Variants in DPP6 observed in about 807,000 individuals in gnomAD.
DPP6 encodes the protein dipeptidyl peptidase like 6.
Under a neutral mutation model 122.6 loss-of-function variants are expected in DPP6, and 69 were observed. The observed-to-expected ratio is 0.56, with a 90% CI of 0.46 to 0.69. DPP6 has a LOEUF of 0.69. Among genes scored for constraint, DPP6 ranks in the 30% least tolerant of loss-of-function variants. The pLI is 0.00. For missense variants in DPP6, 928 were observed against 1,116.9 expected, an observed-to-expected ratio of 0.83 and a Z score of 2.41; for synonymous variants, 418 against 433.1, an observed-to-expected ratio of 0.97 and a Z score of 0.43.
chr7:154,228,825 G>A (rs75920985), intron 1 of DPP6, among the ~76,000 whole-genome samples: 14,568 of 152,148 alleles, frequency 0.096, 981 homozygotes, highest in African/African-American at 0.18. Context: ...CTAAAGAACT[G>A]AGGGTCCCTG....
At chr7:153,753,063 C>G in the DPP6 span, among the ~76,000 whole-genome samples, 2 of 152,004 alleles carry the variant, frequency 1.3e-5, no homozygotes, top group Non-Finnish European at 2.9e-5. Flanking sequence ...ATTTGAGACC[C>G]CATTTTATCT....
chr7:153,970,661 T>C (rs1248264718), intron 1 of DPP6, among the ~76,000 whole-genome samples: 4 of 152,208 alleles, frequency 2.6e-5, no homozygotes, highest in Non-Finnish European at 5.9e-5. Flanking sequence ...TCATGTTAAA[T>C]TTTGTAGATG....
intron 7 of DPP6, among the ~76,000 whole-genome samples, chr7:154,673,717 T>C (rs985963291): frequency 6.6e-6 from 1 of 152,212 alleles, no homozygotes; most frequent in African/African-American, 2.4e-5. Context: ...GTTAACACAG[T>C]GTCTCTCCTT....
chr7:154,260,535 AG>A, intron 1 of DPP6, among the ~76,000 whole-genome samples: 1 of 151,874 alleles, frequency 6.6e-6, no homozygotes, highest in Middle Eastern at 3.4e-3. Context: ...CCCATTTATG[AG>A]TGAGAACATA....
At chr7:154,117,144 G>T (rs943123229) in intron 1 of DPP6, among the ~76,000 whole-genome samples, 5 of 151,610 alleles carry the variant, frequency 3.3e-5, no homozygotes, top group Admixed American at 6.6e-5. Flanking sequence ...TCATTTACTA[G>T]ATCTGATTAA....
At chr7:154,299,391 T>G (rs1263141894) in intron 1 of DPP6, among the ~76,000 whole-genome samples, 1 of 152,232 alleles carries the variant, frequency 6.6e-6, no homozygotes. Context: ...TTGAAATGTC[T>G]GAGGTGACAG....
intron 1 of DPP6, among the ~76,000 whole-genome samples, chr7:154,135,195 A>G (rs1223057358): frequency 2.0e-5 from 3 of 148,240 alleles, no homozygotes; most frequent in East Asian, 2.1e-4. Context: ...CACTTCCTGT[A>G]AGCCTACACT....
chr7:154,716,683 A>G, intron 7 of DPP6, among the ~76,000 whole-genome samples: 1 of 134,818 alleles, frequency 7.4e-6, no homozygotes, highest in Non-Finnish European at 1.5e-5. Flanking sequence ...AATTTACTCA[A>G]AAAGAGAGCA....
intron 18 of DPP6, among the ~76,000 whole-genome samples, chr7:154,871,959 C>T (rs1316035191): frequency 6.6e-6 from 1 of 152,172 alleles, no homozygotes; most frequent in East Asian, 1.9e-4. Flanking sequence ...TCTCCCTCAC[C>T]CACTGGATTT....
At chr7:154,030,767 T>G (rs1799184259) in intron 1 of DPP6, among the ~76,000 whole-genome samples, 1 of 152,124 alleles carries the variant, frequency 6.6e-6, no homozygotes, top group Non-Finnish European at 1.5e-5. Flanking sequence ...TAGGAAAACC[T>G]TCCCCCCAGA....
chr7:154,121,249 T>C (rs993856576), intron 1 of DPP6, among the ~76,000 whole-genome samples: 3 of 152,218 alleles, frequency 2.0e-5, no homozygotes, highest in African/African-American at 7.2e-5. Context: ...TCCACTGTTT[T>C]TCTATTCTCT....
the DPP6 span, among the ~76,000 whole-genome samples, chr7:153,805,393 C>T: frequency 1.6e-4 from 24 of 152,166 alleles, no homozygotes; most frequent in Non-Finnish European, 2.5e-4. Flanking sequence ...TAGAATGCAT[C>T]CAAGTCAGAC....
intron 5 of DPP6, among the ~76,000 whole-genome samples, chr7:154,627,548 T>C (rs1835165358): frequency 6.6e-6 from 1 of 152,142 alleles, no homozygotes; most frequent in Admixed American, 6.6e-5. Context: ...ATGCAAATGG[T>C]ATAAAATATA....
At chr7:154,725,321 C>T (rs1385637859) in intron 7 of DPP6, among the ~76,000 whole-genome samples, 1 of 152,152 alleles carries the variant, frequency 6.6e-6, no homozygotes. Flanking sequence ...TAAAGAACTA[C>T]CCAAGACTGG....
At chr7:153,885,798 C>CCT (rs1183854380), upstream of DPP6, among the ~76,000 whole-genome samples, 2 of 152,160 alleles carry the variant, frequency 1.3e-5, no homozygotes, top group African/African-American at 2.4e-5. Context: ...CTTCCACTTA[C>CCT]CTCTCTCAAG....
At chr7:154,020,547 A>T (rs1193935667) in intron 1 of DPP6, among the ~76,000 whole-genome samples, 1 of 152,174 alleles carries the variant, frequency 6.6e-6, no homozygotes, top group Non-Finnish European at 1.5e-5. Context: ...TCTCCTACTT[A>T]GCTGTCATTC....
At chr7:153,816,493 T>A in the DPP6 span, among the ~76,000 whole-genome samples, 1 of 152,188 alleles carries the variant, frequency 6.6e-6, no homozygotes. Flanking sequence ...GACAACAGCA[T>A]GCAAATTGAT....
chr7:153,858,764 C>T, the DPP6 span, among the ~76,000 whole-genome samples: 8 of 152,184 alleles, frequency 5.3e-5, no homozygotes, highest in African/African-American at 1.9e-4. Flanking sequence ...TTTTTATTTC[C>T]TTTTCCATAT....
intron 20 of DPP6, 83 bp from the exon 21 acceptor site, chr7:154,880,805 G>C (rs1413119016): frequency 6.2e-7 from 1 of 1,610,708 alleles, no homozygotes; most frequent in Non-Finnish European, 8.5e-7. Flanking sequence ...TGAAATGGAT[G>C]GAAAACATGG....
Sources: allele counts gnomAD v4.1 joint callset (sites outside exome capture counted in the v4.1 genomes callset), GRCh38; gene constraint gnomAD v4.1.1; transcripts MANE v1.5; gene names NCBI Gene and HGNC (gene_info 2026-07-23, HGNC 2026-07-21).